The following PPARG variants were observed in gnomAD, a reference collection of about 807,000 sequenced individuals.
The protein encoded by PPARG is peroxisome proliferator-activated receptor gamma.
A neutral mutation model predicts 39.2 loss-of-function variants in PPARG; 17 were observed. The ratio of observed to expected loss-of-function variants is 0.43; its 90% CI spans 0.30 to 0.65. The LOEUF (loss-of-function observed/expected upper bound fraction) is 0.65, where lower values mean the gene tolerates loss of function less well. Among genes scored for constraint, PPARG ranks in the 30% least tolerant of loss-of-function variants. The probability of loss-of-function intolerance (pLI) is 0.13; values close to 1 mark genes in which losing one functional copy is unlikely to be tolerated. For synonymous variants in PPARG, 223 were observed against 215.7 expected (o/e 1.03, Z -0.30); for missense variants, 406 against 585.9 (o/e 0.69, Z 3.17).
intron 2 of PPARG, among the ~76,000 whole-genome samples, chr3:12,322,814 T>G (rs1165648588): frequency 1.3e-5 from 2 of 152,206 alleles, no homozygotes; most frequent in South Asian, 2.1e-4. Context: ...GTTTGTTTGT[T>G]TTTTTCAGAC....
At chr3:12,310,189 A>C (rs556286937) in intron 1 of PPARG, among the ~76,000 whole-genome samples, 2 of 152,258 alleles carry the variant, frequency 1.3e-5, no homozygotes, top group African/African-American at 4.8e-5. Context: ...CCTGACTCTG[A>C]CAGTAGTAAG....
chr3:12,426,270 A>AGAGC (rs977799306), intron 7 of PPARG, among the ~76,000 whole-genome samples: 1 of 152,262 alleles, frequency 6.6e-6, no homozygotes, highest in Non-Finnish European at 1.5e-5. Flanking sequence ...AACCCACTTC[A>AGAGC]GAGCGAAGGC....
chr3:12,340,280 G>A (rs546176172), intron 2 of PPARG, among the ~76,000 whole-genome samples: 264 of 152,254 alleles, frequency 1.7e-3, no homozygotes, highest in African/African-American at 5.6e-3. Flanking sequence ...GCCTCCTTCC[G>A]TCTTCTCATT....
At chr3:12,430,157 A>G (rs1030276519) in intron 7 of PPARG, among the ~76,000 whole-genome samples, 2 of 152,134 alleles carry the variant, frequency 1.3e-5, no homozygotes, top group Non-Finnish European at 2.9e-5. Context: ...GATAAAGGTC[A>G]CTAGAGTTTA....
At chr3:12,324,956 A>C (rs2047649933) in intron 2 of PPARG, among the ~76,000 whole-genome samples, 1 of 152,190 alleles carries the variant, frequency 6.6e-6, no homozygotes, top group Non-Finnish European at 1.5e-5. Context: ...TATGAAATGA[A>C]TGAAAGTTTG....
At chr3:12,372,426 C>G (rs2049252009) in intron 2 of PPARG, among the ~76,000 whole-genome samples, 1 of 152,136 alleles carries the variant, frequency 6.6e-6, no homozygotes, top group Admixed American at 6.5e-5. Context: ...AGGTCCATGC[C>G]TCAGTTTTCC....
In PPARG at chr3:12,405,849, A is replaced by G. The variant is rs374861119; in HGVS notation, c.530-33A>G. 5.5e-5 allele frequency: 88 copies of G among 1,596,762 alleles called. No individual in the cohort carries two copies. The African/African-American group carries it at 8.9e-4, about 16-fold the overall frequency. Reference sequence around the variant, plus strand: ...GTGTGTTCAGAGCAGTAGTAATCCAATGATTCATCCTGTCATTCCTCTTCC... The same window carrying G: ...GTGTGTTCAGAGCAGTAGTAATCCAGTGATTCATCCTGTCATTCCTCTTCC... On this transcript the variant is annotated intron_variant, in intron 5 of 7. Coordinates refer to ENST00000651735, the MANE Select transcript of PPARG (RefSeq NM_138711.6).
chr3:12,332,867 C>CA (rs1014839677), intron 2 of PPARG, among the ~76,000 whole-genome samples: 2 of 151,998 alleles, frequency 1.3e-5, no homozygotes, highest in African/African-American at 4.8e-5. Context: ...CCCATCTCTA[C>CA]AAAAAATTTT....
chr3:12,426,412 T>C (rs945117740), intron 7 of PPARG, among the ~76,000 whole-genome samples: 8 of 152,174 alleles, frequency 5.3e-5, no homozygotes, highest in African/African-American at 1.7e-4. Context: ...GTAAACGACA[T>C]TGCTCCTCAA....
At chr3:12,352,609 T>C (rs1038745067) in intron 2 of PPARG, among the ~76,000 whole-genome samples, 1 of 152,218 alleles carries the variant, frequency 6.6e-6, no homozygotes. Flanking sequence ...TTTTATAATA[T>C]AAGTGCTAAA....
chr3:12,404,006 C>T (rs1559526936), intron 5 of PPARG, among the ~76,000 whole-genome samples: 1 of 152,086 alleles, frequency 6.6e-6, no homozygotes, highest in Non-Finnish European at 1.5e-5. Flanking sequence ...AAGGTCATAT[C>T]CTGAGGGACC....
intron 7 of PPARG, among the ~76,000 whole-genome samples, chr3:12,426,043 A>G (rs1024485878): frequency 6.6e-6 from 1 of 152,124 alleles, no homozygotes; most frequent in African/African-American, 2.4e-5. Context: ...TGGGAGTTGC[A>G]TATTGGAGGT....
intron 6 of PPARG, among the ~76,000 whole-genome samples, chr3:12,410,182 C>G (rs1470606981): frequency 6.6e-6 from 1 of 152,196 alleles, no homozygotes; most frequent in Non-Finnish European, 1.5e-5. Context: ...TCCCCACAAC[C>G]TATTTCCCTT....
At chr3:12,372,842 G>A (rs527254737) in intron 2 of PPARG, among the ~76,000 whole-genome samples, 12 of 152,236 alleles carry the variant, frequency 7.9e-5, no homozygotes, top group Admixed American at 7.2e-4. Context: ...GACTATAATA[G>A]CATTTAAAGC....
At chr3:12,292,730 C>T (rs921167560) in intron 1 of PPARG, among the ~76,000 whole-genome samples, 2 of 152,132 alleles carry the variant, frequency 1.3e-5, no homozygotes, top group African/African-American at 4.8e-5. Context: ...AAAGAGGAGG[C>T]CTCTGCAAGC....
chr3:12,340,300 A>G (rs1348594727), intron 2 of PPARG, among the ~76,000 whole-genome samples: 2 of 152,242 alleles, frequency 1.3e-5, no homozygotes, highest in East Asian at 3.8e-4. Flanking sequence ...TTCAATGTGT[A>G]GGATATTTGT....
intron 4 of PPARG, among the ~76,000 whole-genome samples, chr3:12,383,498 T>C (rs1057153919): frequency 1.3e-5 from 2 of 152,160 alleles, no homozygotes; most frequent in Non-Finnish European, 2.9e-5. Flanking sequence ...GATACCATTT[T>C]TGAGTGAGTA....
At chr3:12,336,656 T>C (rs1295616816) in intron 2 of PPARG, among the ~76,000 whole-genome samples, 1 of 152,202 alleles carries the variant, frequency 6.6e-6, no homozygotes, top group Non-Finnish European at 1.5e-5. Flanking sequence ...CTATTATTTT[T>C]TAATAATAGT....
intron 1 of PPARG, among the ~76,000 whole-genome samples, chr3:12,296,946 A>G (rs1042136090): frequency 6.6e-6 from 1 of 152,198 alleles, no homozygotes; most frequent in Non-Finnish European, 1.5e-5. Context: ...AAAATTCTAT[A>G]ATTTCAAGGA....
Sources: allele counts gnomAD v4.1 joint callset (sites outside exome capture counted in the v4.1 genomes callset), GRCh38; gene constraint gnomAD v4.1.1; transcripts MANE v1.5; gene names NCBI Gene and HGNC (gene_info 2026-07-23, HGNC 2026-07-21).